Variants in SCHIP1 observed in about 807,000 individuals in gnomAD.
SCHIP1 encodes the protein schwannomin-interacting protein 1.
A neutral mutation model predicts 29.7 loss-of-function variants in SCHIP1; 8 were observed. The observed-to-expected ratio is 0.27, with a 90% CI of 0.16 to 0.49. SCHIP1 has a LOEUF of 0.49. Among genes scored for constraint, SCHIP1 ranks in the 20% least tolerant of loss-of-function variants. The pLI, the probability that SCHIP1 is intolerant of heterozygous loss-of-function variation, is 0.99. For missense variants in SCHIP1, 193 were observed against 294.6 expected, an observed-to-expected ratio of 0.66 and a Z score of 2.52; for synonymous variants, 76 against 94.9, an observed-to-expected ratio of 0.80 and a Z score of 1.16.
At chr3:159,742,169 T>C in the SCHIP1 span, among the ~76,000 whole-genome samples, 1 of 152,068 alleles carries the variant, frequency 6.6e-6, no homozygotes, top group Admixed American at 6.6e-5. Context: ...GAGGCTGCAG[T>C]GAGCCGAGAT....
At chr3:159,732,844 T>A in the SCHIP1 span, among the ~76,000 whole-genome samples, 1 of 152,324 alleles carries the variant, frequency 6.6e-6, no homozygotes, top group Non-Finnish European at 1.5e-5. Flanking sequence ...GAGCTGGAGC[T>A]ACAGGACCAG....
chr3:159,358,802 G>C, the SCHIP1 span, among the ~76,000 whole-genome samples: 4,112 of 151,980 alleles, frequency 0.027, 75 homozygotes, highest in East Asian at 0.11. Context: ...GTGAGATGTA[G>C]ATGACTGGGA....
chr3:159,627,985 G>A, the SCHIP1 span, among the ~76,000 whole-genome samples: 1 of 152,208 alleles, frequency 6.6e-6, no homozygotes, highest in Non-Finnish European at 1.5e-5. Flanking sequence ...TGGGAACCAA[G>A]ATCCTAAGAA....
At chr3:159,594,634 G>A in the SCHIP1 span, among the ~76,000 whole-genome samples, 1 of 152,180 alleles carries the variant, frequency 6.6e-6, no homozygotes, top group Non-Finnish European at 1.5e-5. Context: ...TACAGAAAGC[G>A]ATGGTGCTCA....
At chr3:159,364,826 G>A in the SCHIP1 span, among the ~76,000 whole-genome samples, 5 of 152,156 alleles carry the variant, frequency 3.3e-5, no homozygotes, top group Non-Finnish European at 1.5e-5. Flanking sequence ...TTCCCTTCAG[G>A]ATGGAATAGA....
chr3:159,290,276 G>A, the SCHIP1 span, among the ~76,000 whole-genome samples: 2 of 152,092 alleles, frequency 1.3e-5, no homozygotes, highest in African/African-American at 2.4e-5. Context: ...GGAATATATA[G>A]TATTCTACTT....
At chr3:159,295,253 T>TG in the SCHIP1 span, among the ~76,000 whole-genome samples, 11 of 66,984 alleles carry the variant, frequency 1.6e-4, 1 homozygote, top group East Asian at 4.3e-4. Context: ...CTATCTCTAC[T>TG]AAAAAAAAAA....
the SCHIP1 span, among the ~76,000 whole-genome samples, chr3:159,388,997 A>G: frequency 6.6e-6 from 1 of 152,078 alleles, no homozygotes; most frequent in Non-Finnish European, 1.5e-5. Flanking sequence ...TTCGTAAGAC[A>G]CCATACAATC....
At chr3:159,712,286 T>C in the SCHIP1 span, among the ~76,000 whole-genome samples, 1 of 152,248 alleles carries the variant, frequency 6.6e-6, no homozygotes, top group Non-Finnish European at 1.5e-5. Context: ...ATATGTAGAA[T>C]GTATGCAAAG....
chr3:159,889,027 TAC>T, intron 5 of SCHIP1, 84 bp downstream of exon 6: 7 of 1,493,916 alleles, frequency 4.7e-6, no homozygotes, highest in Non-Finnish European at 5.4e-6. Context: ...AACTTTTTCA[TAC>T]AACATTTCAT....
exon 1 of SCHIP1, chr3:159,840,083 AC>A: frequency 5.2e-6 from 8 of 1,524,656 alleles, no homozygotes; most frequent in Non-Finnish European, 7.0e-6. Flanking sequence ...CCCCTGCCTT[AC>A]CAGGGCGTTC....
chr3:159,424,310 T>C, the SCHIP1 span, among the ~76,000 whole-genome samples: 3 of 151,982 alleles, frequency 2.0e-5, no homozygotes, highest in African/African-American at 7.2e-5. Context: ...TAGAAGAATG[T>C]ATAACTAGAA....
At chr3:159,881,482 C>G (rs1382291149) in intron 2 of SCHIP1, among the ~76,000 whole-genome samples, 1 of 152,194 alleles carries the variant, frequency 6.6e-6, no homozygotes, top group Admixed American at 6.5e-5. Context: ...TGTTCGAAGT[C>G]CCTGGCATAT....
At chr3:159,750,631 C>T in the SCHIP1 span, among the ~76,000 whole-genome samples, 1,006 of 152,166 alleles carry the variant, frequency 6.6e-3, 9 homozygotes, top group African/African-American at 0.023. Context: ...ATAAAGGACA[C>T]CTGTGTGTCC....
At chr3:159,433,738 A>G in the SCHIP1 span, among the ~76,000 whole-genome samples, 1 of 152,212 alleles carries the variant, frequency 6.6e-6, no homozygotes, top group Non-Finnish European at 1.5e-5. Context: ...GTGAAGAAGT[A>G]GATAATATAT....
At chr3:159,294,871 T>C in the SCHIP1 span, among the ~76,000 whole-genome samples, 2 of 152,134 alleles carry the variant, frequency 1.3e-5, no homozygotes, top group Non-Finnish European at 2.9e-5. Flanking sequence ...GTTTCAGACC[T>C]GTGTCTGACT....
At chr3:159,300,745 C>T in the SCHIP1 span, among the ~76,000 whole-genome samples, 2 of 152,140 alleles carry the variant, frequency 1.3e-5, no homozygotes, top group African/African-American at 4.8e-5. Flanking sequence ...TGGTTCCCTT[C>T]CTGCTCTTTT....
the SCHIP1 span, among the ~76,000 whole-genome samples, chr3:159,661,338 C>T: frequency 6.7e-6 from 1 of 148,608 alleles, no homozygotes; most frequent in Non-Finnish European, 1.5e-5. Context: ...TAAGAACTGA[C>T]ATAAATGACT....
At chr3:159,766,657 G>A in the SCHIP1 span, among the ~76,000 whole-genome samples, 1 of 152,142 alleles carries the variant, frequency 6.6e-6, no homozygotes, top group South Asian at 2.1e-4. Flanking sequence ...GGGTTTGATG[G>A]TGACAATGAG....
Sources: gnomAD v4.1 joint callset for allele counts (sites outside exome capture counted in the v4.1 genomes callset) on GRCh38, gnomAD v4.1.1 for gene constraint, MANE v1.5 for transcripts, NCBI Gene and HGNC (gene_info 2026-07-23, HGNC 2026-07-21) for gene names.